The following PP2D1 variants were observed in gnomAD, a reference collection of about 807,000 sequenced individuals.
PP2D1 encodes protein phosphatase 2C-like domain-containing protein 1.
In PP2D1, 25 loss-of-function variants were observed where a neutral mutation model predicts 30.2. The observed-to-expected ratio is 0.83, with a 90% CI of 0.60 to 1.16. PP2D1 has a LOEUF of 1.16. PP2D1 is among the 50% of genes most tolerant of loss of function. The probability of loss-of-function intolerance (pLI) is 0.00; values close to 1 mark genes in which losing one functional copy is unlikely to be tolerated. For synonymous variants in PP2D1, 260 were observed against 258.9 expected, an observed-to-expected ratio of 1.00 and a Z score of -0.04; for missense variants, 760 against 742.4, an observed-to-expected ratio of 1.02 and a Z score of -0.28.
chr3:19,984,036 T>G, downstream of PP2D1: 1 of 502,420 alleles, frequency 2.0e-6, no homozygotes, highest in Non-Finnish European at 3.7e-6. Context: ...TAGGGAAAAA[T>G]GAGAACTATG....
chr3:20,011,177 C>T (rs1697381659), intron 1 of PP2D1, among the ~76,000 whole-genome samples: 1 of 151,974 alleles, frequency 6.6e-6, no homozygotes, highest in African/African-American at 2.4e-5. Flanking sequence ...GCAAGAGGAC[C>T]CAGCAAAAGA....
downstream of PP2D1, among the ~76,000 whole-genome samples, chr3:19,982,683 A>G (rs1575079889): frequency 6.6e-6 from 1 of 151,836 alleles, no homozygotes; most frequent in East Asian, 2.0e-4. Flanking sequence ...ACCCCATCTC[A>G]CTTTGGAACT....
Position 20,001,999 on chromosome 3 carries a change from T to G in PP2D1, c.121A>C (p.Lys41Gln). The G allele has an allele frequency of 2.6e-6, 4 of 1,536,184 alleles. No homozygotes were observed. The highest frequency in any genetic ancestry group is 3.5e-6 in the Non-Finnish European group (4 of 1,146,846). ...GTGTGTCTCACTGGTCTTGACTTTT[T>G]CTTTCTAAAACGTTTTCTTTTGGGT... ...LLPKRKRFRK[K>Q]KSRPVRHTKR... The change falls in exon 2 of 3, where the codon AAA (lysine) becomes CAA (glutamine). Residue 41 changes from lysine to glutamine, a missense_variant. By Grantham distance (53) the Lys-to-Gln change is moderately conservative (BLOSUM62 1). This residue lies in a region of PP2D1 where 374 missense variants were observed against 388.8 expected (regional missense o/e 0.96). Transcript: ENST00000389050.
At chr3:19,998,787 GC>G (rs979432767) in intron 2 of PP2D1, among the ~76,000 whole-genome samples, 11 of 152,190 alleles carry the variant, frequency 7.2e-5, no homozygotes, top group Admixed American at 3.3e-4. Flanking sequence ...TAATTCCCTT[GC>G]TATAATTAAT....
downstream of PP2D1, chr3:19,985,293 C>T (rs1697011284): frequency 1.1e-6 from 1 of 875,968 alleles, no homozygotes. Context: ...AAATTATTTG[C>T]ATGGTATTGA....
At chr3:20,007,152 G>A (rs116718692) in intron 1 of PP2D1, among the ~76,000 whole-genome samples, 2,623 of 152,138 alleles carry the variant, frequency 0.017, 64 homozygotes, top group African/African-American at 0.059. Context: ...GATTACAGGC[G>A]TAAGCCACCG....
At chr3:19,990,661 CAG>C (rs1354494587) in intron 2 of PP2D1, among the ~76,000 whole-genome samples, 4 of 151,878 alleles carry the variant, frequency 2.6e-5, no homozygotes, top group Non-Finnish European at 4.4e-5. Context: ...CAGCTACAAA[CAG>C]GGTGTTTGAA....
chr3:20,004,552 T>A (rs917075983), intron 1 of PP2D1, among the ~76,000 whole-genome samples: 4 of 152,164 alleles, frequency 2.6e-5, no homozygotes, highest in African/African-American at 7.2e-5. Context: ...AAGGACAGAA[T>A]TTTTTTAAAA....
chr3:19,991,753 T>G (rs1697122538), intron 2 of PP2D1, among the ~76,000 whole-genome samples: 1 of 152,160 alleles, frequency 6.6e-6, no homozygotes, highest in Non-Finnish European at 1.5e-5. Flanking sequence ...GGTAGACACT[T>G]GGAACACTTA....
intron 2 of PP2D1, chr3:19,996,716 A>G (rs981816258): frequency 6.7e-6 from 1 of 149,096 alleles, no homozygotes. Flanking sequence ...CAAACAACAT[A>G]TTTTTTTTTT....
chr3:19,994,598 C>T (rs951105047), intron 2 of PP2D1, among the ~76,000 whole-genome samples: 1 of 152,196 alleles, frequency 6.6e-6, no homozygotes, highest in Non-Finnish European at 1.5e-5. Context: ...CTCTGGATGA[C>T]ACATCTCTCA....
downstream of PP2D1, chr3:19,984,723 A>G (rs1445339412): frequency 6.5e-6 from 1 of 154,042 alleles, no homozygotes; most frequent in Non-Finnish European, 1.4e-5. Flanking sequence ...TAAATAGGGT[A>G]CTGCATTGTA....
chr3:19,985,224 A>T, downstream of PP2D1: 1 of 610,780 alleles, frequency 1.6e-6, no homozygotes, highest in Non-Finnish European at 2.7e-6. Context: ...CAGTGAATAT[A>T]TATAAATGAT....
chr3:19,998,196 G>GGC (rs1008814559), intron 2 of PP2D1, among the ~76,000 whole-genome samples: 46 of 152,258 alleles, frequency 3.0e-4, no homozygotes, highest in African/African-American at 1.1e-3. Flanking sequence ...CAGCCGTGGT[G>GGC]GCATGCACCT....
Position 20,002,099 on chromosome 3 carries a change from G to A in PP2D1, c.24-3C>T. 1 of 1,513,152 alleles carries A rather than the reference G, an allele frequency of 6.6e-7. No homozygotes were observed. The highest frequency in any genetic ancestry group is 2.4e-5 in the East Asian group (1 of 40,840). 93.7% of individuals were successfully genotyped at this position (1,513,152 alleles called of 1,614,324 possible). A position where few individuals can be genotyped will look rare whatever the true frequency, so the allele number is the denominator to read the frequency against. On this transcript the variant is annotated splice_polypyrimidine_tract_variant and splice_region_variant and intron_variant, in intron 1 of 2. Transcript: ENST00000389050. ...ATTCTCTTGATTTCCAAAACACTCT[G>A]CAAACAGGATGAAAGATATTTACAT...
intron 1 of PP2D1, among the ~76,000 whole-genome samples, chr3:20,003,709 C>T (rs1366611287): frequency 2.0e-5 from 3 of 151,782 alleles, no homozygotes; most frequent in Non-Finnish European, 4.4e-5. Context: ...AGAGATGGCG[C>T]CACTGCACTC....
chr3:19,986,271 GT>G (rs1697033397), intron 2 of PP2D1, 89 bp from the exon 3 acceptor site: 4 of 949,810 alleles, frequency 4.2e-6, no homozygotes, highest in Non-Finnish European at 6.0e-6. Flanking sequence ...TAAATTCTGT[GT>G]TTCAATGCTA....
Position 20,011,945 on chromosome 3 carries a change from G to A in PP2D1, c.23+105C>T. ...TTCAATGTACACAGTTTAACAGGAA[G>A]CCAAGGTTTCATCTGATAATTAAGA... is the stretch of plus-strand genomic sequence containing the variant. On this transcript the variant is annotated intron_variant, in intron 1 of 2. Coordinates refer to ENST00000389050, the MANE Select transcript of PP2D1 (RefSeq NM_001252657.2). The A allele has an allele frequency of 3.5e-6, 3 of 845,724 alleles. No homozygotes were observed. The South Asian group carries it at 5.1e-5, about 14-fold the overall frequency. The allele number at this position is 845,724 out of a possible 1,614,324, so 52.4% of individuals were successfully genotyped here.
downstream of PP2D1, among the ~76,000 whole-genome samples, chr3:19,982,971 G>A (rs1490515614): frequency 6.6e-6 from 1 of 152,126 alleles, no homozygotes; most frequent in Admixed American, 6.6e-5. Flanking sequence ...AGAGAACGCT[G>A]ATATGAGCTG....
Sources: gnomAD v4.1 joint callset for allele counts (sites outside exome capture counted in the v4.1 genomes callset) on GRCh38, gnomAD v4.1.1 for gene constraint, gnomAD v4.1.1 regional missense constraint, MANE v1.5 for transcripts, NCBI Gene and HGNC (gene_info 2026-07-23, HGNC 2026-07-21) for gene names.